The following CHRNA5 variants were observed in gnomAD, a reference collection of about 807,000 sequenced individuals.
CHRNA5 encodes neuronal acetylcholine receptor subunit alpha-5.
CHRNA5 carries 28 observed loss-of-function variants against 41.2 expected under a neutral mutation model. That is an observed-to-expected ratio of 0.68 (90% confidence interval 0.50 to 0.93). The LOEUF (loss-of-function observed/expected upper bound fraction) is 0.93, where lower values mean the gene tolerates loss of function less well. CHRNA5 is among the 40% of genes least tolerant of loss of function. The pLI is 0.00. For missense variants in CHRNA5, 481 were observed against 581.9 expected (o/e 0.83, Z 1.78); for synonymous variants, 188 against 205.8 (o/e 0.91, Z 0.74).
chr15:78,569,012 ACTGT>A (rs1246750937), intron 1 of CHRNA5, among the ~76,000 whole-genome samples: 1 of 152,184 alleles, frequency 6.6e-6, no homozygotes, highest in South Asian at 2.1e-4. Flanking sequence ...ACACATACTG[ACTGT>A]CAGTTTTACT....
In CHRNA5 at chr15:78,588,163, G is replaced by A; in HGVS notation, c.304-151G>A. On this transcript the variant is annotated intron_variant, in intron 3 of 5. Coordinates refer to ENST00000299565, the Ensembl canonical transcript of CHRNA5. This position sits in a 1 kb window ranked among gnomAD's most constrained non-coding sequence, Gnocchi z 4.1. ...CTACACAAGGGGACAGGGTTATCTG[G>A]TGCCCATAATAAGAAAGACAGGGAG... The A allele has an allele frequency of 2.1e-6, 1 of 469,558 alleles. No homozygotes were observed. Among genetic ancestry groups the A allele is most frequent in the Non-Finnish European group, 3.8e-6 (1 of 263,894 alleles). 29.1% of individuals were successfully genotyped at this position (469,558 alleles called of 1,614,324 possible). A position where few individuals can be genotyped will look rare whatever the true frequency, so the allele number is the denominator to read the frequency against.
chr15:78,578,842 A>G lies in CHRNA5; in HGVS notation c.107-1969A>G, dbSNP rs2052882686. 2.6e-5 allele frequency among the ~76,000 whole-genome samples: 4 copies of G among 152,130 alleles called. No homozygotes were observed. The South Asian group carries it at 8.3e-4, about 31-fold the overall frequency. On this transcript the variant is annotated intron_variant, in intron 1 of 5. Coordinates refer to ENST00000299565, the Ensembl canonical transcript of CHRNA5. The stretch of plus-strand genomic sequence containing the variant: ...TTCAAGTAAAAGTGGTTTTTTCGTA[A>G]TATCATTAGTCTTAAGTAAAAGTCA...
chr15:78,583,208 G>A (rs911100942), intron 2 of CHRNA5, among the ~76,000 whole-genome samples: 3 of 152,126 alleles, frequency 2.0e-5, no homozygotes, highest in Admixed American at 2.0e-4. Flanking sequence ...CAACAGACAC[G>A]ATCAAAGCAG....
intron 3 of CHRNA5, among the ~76,000 whole-genome samples, chr15:78,587,888 G>C (rs374588000): frequency 6.6e-6 from 1 of 152,188 alleles, no homozygotes; most frequent in Non-Finnish European, 1.5e-5. Flanking sequence ...CATGGAGGTA[G>C]GGTAAGGTGT....
chr15:78,589,812 G>A, exon 5 of CHRNA5: 1 of 1,573,916 alleles, frequency 6.4e-7, no homozygotes, highest in Non-Finnish European at 8.6e-7. Flanking sequence ...TAGTGCAGAT[G>A]GACGTTTTGA....
chr15:78,574,538 A>T (rs1268743161), intron 1 of CHRNA5, among the ~76,000 whole-genome samples: 1 of 152,166 alleles, frequency 6.6e-6, no homozygotes, highest in East Asian at 1.9e-4. Flanking sequence ...TGAAGCAGCT[A>T]AGCAGAGGTT....
chr15:78,576,129 TTTTG>T (rs907897060), intron 1 of CHRNA5, among the ~76,000 whole-genome samples: 5 of 152,240 alleles, frequency 3.3e-5, no homozygotes, highest in Admixed American at 1.3e-4. Flanking sequence ...AAGTTTTTTG[TTTTG>T]TTTGTTTGTT....
chr15:78,573,963 A>T (rs1485762421), intron 1 of CHRNA5, among the ~76,000 whole-genome samples: 9 of 102,102 alleles, frequency 8.8e-5, no homozygotes, highest in Non-Finnish European at 1.4e-4. Flanking sequence ...CGCCTGGCTA[A>T]TTTTTTTTTT....
chr15:78,572,957 T>TA (rs2052820181), intron 1 of CHRNA5, among the ~76,000 whole-genome samples: 1 of 152,198 alleles, frequency 6.6e-6, no homozygotes, highest in South Asian at 2.1e-4. Flanking sequence ...GCTTCTGGAT[T>TA]TGAATTTTGA....
chr15:78,571,609 G>T, intron 1 of CHRNA5, among the ~76,000 whole-genome samples: 1 of 127,514 alleles, frequency 7.8e-6, no homozygotes, highest in African/African-American at 3.0e-5. Context: ...AAGTGTACAA[G>T]TTGTCTCGTC....
chr15:78,568,697 T>C (rs1217062407), intron 1 of CHRNA5, among the ~76,000 whole-genome samples: 1 of 152,170 alleles, frequency 6.6e-6, no homozygotes, highest in Non-Finnish European at 1.5e-5. Flanking sequence ...TGGATTCTCA[T>C]TGTTCAACTC....
chr15:78,574,209 C>T (rs1312327005), intron 1 of CHRNA5, among the ~76,000 whole-genome samples: 2 of 150,752 alleles, frequency 1.3e-5, no homozygotes, highest in African/African-American at 2.4e-5. Context: ...GGAGAAACCC[C>T]GTCTCTACTA....
intron 5 of CHRNA5, among the ~76,000 whole-genome samples, chr15:78,592,108 G>A (rs1310625605): frequency 6.6e-6 from 1 of 152,120 alleles, no homozygotes; most frequent in Admixed American, 6.5e-5. Context: ...TGGATCACGA[G>A]GTCAGGAGTT....
chr15:78,573,714 A>T (rs567948898), intron 1 of CHRNA5, among the ~76,000 whole-genome samples: 39 of 152,308 alleles, frequency 2.6e-4, no homozygotes, highest in African/African-American at 8.9e-4. Context: ...CTTTTTTCCA[A>T]ATCATTACCT....
At chr15:78,580,645 T>C (rs1318163714) in intron 1 of CHRNA5, among the ~76,000 whole-genome samples, 166 bp from the exon 2 acceptor site, 1 of 149,768 alleles carries the variant, frequency 6.7e-6, no homozygotes, top group Non-Finnish European at 1.5e-5. Flanking sequence ...TTTTTTTCCT[T>C]TTTTTTTTTG....
chr15:78,574,098 C>T (rs1479065873), intron 1 of CHRNA5, among the ~76,000 whole-genome samples: 1 of 150,518 alleles, frequency 6.6e-6, no homozygotes, highest in African/African-American at 2.4e-5. Context: ...CAGGCGTGAG[C>T]CACCGTGCCC....
In CHRNA5 at chr15:78,588,472, GTATTTC is replaced by G; in HGVS notation, c.413+54_413+59del. 1.1e-6 allele frequency: 1 copy of G among 921,360 alleles called. No homozygotes were observed. Among genetic ancestry groups the G allele is most frequent in the Non-Finnish European group, 1.6e-6 (1 of 640,880 alleles). 57.1% of individuals were successfully genotyped at this position (921,360 alleles called of 1,614,324 possible). ...TTTATATTTTCAAAAGAAAACATTT[GTATTTC>G]TATTAGGCACTAATAATTTTTCTCC... On this transcript the variant is annotated intron_variant, in intron 4 of 5. Coordinates refer to ENST00000299565, the Ensembl canonical transcript of CHRNA5. This position sits in a 1 kb window ranked among gnomAD's most constrained non-coding sequence, Gnocchi z 4.1.
chr15:78,586,804 G>A lies in CHRNA5; in HGVS notation c.303+115G>A, dbSNP rs991973300. ...TATATTTGTGAATACAAATGAATACGTGACTATATGGCCTTGGTGGATTGG... is the reference window on the plus strand; with the variant it reads ...TATATTTGTGAATACAAATGAATACATGACTATATGGCCTTGGTGGATTGG... On this transcript the variant is annotated intron_variant, in intron 3 of 5. Coordinates refer to ENST00000299565, the Ensembl canonical transcript of CHRNA5. The A allele has an allele frequency of 3.6e-5, 28 of 772,004 alleles. No homozygotes were observed. The African/African-American group carries it at 3.8e-4, about 11-fold the overall frequency. 47.8% of individuals were successfully genotyped at this position (772,004 alleles called of 1,614,324 possible).
exon 6 of CHRNA5, chr15:78,594,362 A>G (rs551250137): frequency 4.6e-5 from 7 of 152,118 alleles, no homozygotes; most frequent in Non-Finnish European, 4.4e-5. Context: ...GTCCACTACA[A>G]TTACATGAAC....
Sources: gnomAD v4.1 joint callset for allele counts (sites outside exome capture counted in the v4.1 genomes callset) on GRCh38, gnomAD v4.1.1 for gene constraint, Gnocchi (gnomAD v3.1) non-coding constraint, MANE v1.5 for transcripts, NCBI Gene and HGNC (gene_info 2026-07-23, HGNC 2026-07-21) for gene names.